ULK4: variants seen among roughly 807,000 people sequenced by gnomAD.
ULK4 encodes inactive serine/threonine-protein kinase ULK4.
Under a neutral mutation model 160.6 loss-of-function variants are expected in ULK4, and 133 were observed. The observed-to-expected ratio is 0.83, with a 90% CI of 0.72 to 0.96. The LOEUF (loss-of-function observed/expected upper bound fraction) is 0.96, where lower values mean the gene tolerates loss of function less well. Ranked by LOEUF, ULK4 falls within the 40% of genes least tolerant of loss-of-function variation. The pLI is 0.00. For synonymous variants in ULK4, 534 were observed against 539.8 expected (o/e 0.99, Z 0.15); for missense variants, 1,580 against 1,499.5 (o/e 1.05, Z -0.89).
intron 31 of ULK4, among the ~76,000 whole-genome samples, chr3:41,608,743 A>G (rs1482965133): frequency 6.6e-6 from 1 of 152,224 alleles, no homozygotes; most frequent in Non-Finnish European, 1.5e-5. Context: ...GTTCAGTGGT[A>G]TCACTTGCCA....
intron 19 of ULK4, among the ~76,000 whole-genome samples, chr3:41,806,269 C>T (rs980220332): frequency 2.4e-4 from 36 of 151,322 alleles, no homozygotes; most frequent in African/African-American, 3.9e-4. Context: ...AGTTTATTTG[C>T]GTAGAGGTGT....
At chr3:41,769,670 T>C (rs945240317) in intron 21 of ULK4, among the ~76,000 whole-genome samples, 1 of 152,230 alleles carries the variant, frequency 6.6e-6, no homozygotes, top group South Asian at 2.1e-4. Context: ...TAATGAAATA[T>C]TTAAAATGAT....
rs71075470 is a variant in ULK4, at chr3:41,506,767, A to AATATATATAT, written c.3227-43524_3227-43515dup. ...AGCAATACACTGGAGTGTGATTTAA[A>AATATATATAT]ATATATATATATATATATATATATA... On this transcript the variant is annotated intron_variant, in intron 32 of 36. Transcript: ENST00000301831. 5.0e-3 allele frequency among the ~76,000 whole-genome samples: 282 copies of AATATATATAT among 56,736 alleles called. 15 individuals are homozygous for AATATATATAT. Among genetic ancestry groups the AATATATATAT allele is most frequent in the East Asian group, 0.026 (32 of 1,210 alleles). The allele number at this position is 56,736 out of a possible 152,430, so 37.2% of individuals were successfully genotyped here.
chr3:41,646,044 G>C (rs566710007), intron 30 of ULK4, among the ~76,000 whole-genome samples: 1 of 152,068 alleles, frequency 6.6e-6, no homozygotes, highest in Non-Finnish European at 1.5e-5. Flanking sequence ...CCATTTGCCT[G>C]GTAGATCTTC....
At chr3:41,290,388 A>C (rs1178381169) in intron 35 of ULK4, among the ~76,000 whole-genome samples, 1 of 152,212 alleles carries the variant, frequency 6.6e-6, no homozygotes, top group Admixed American at 6.5e-5. Context: ...GGAAATTGAG[A>C]CACAGGTTAA....
chr3:41,509,391 A>G (rs952493133), intron 32 of ULK4, among the ~76,000 whole-genome samples: 2 of 152,214 alleles, frequency 1.3e-5, no homozygotes, highest in African/African-American at 4.8e-5. Context: ...AAAAGTTTGG[A>G]AAACACATTT....
At chr3:41,735,687 T>TTTTTTA (rs1553641851) in intron 22 of ULK4, among the ~76,000 whole-genome samples, 2 of 144,494 alleles carry the variant, frequency 1.4e-5, no homozygotes, top group African/African-American at 5.2e-5. Flanking sequence ...CTAAGTCCAT[T>TTTTTTA]TTATTATTAT....
chr3:41,538,575 A>T (rs999143055), intron 32 of ULK4, among the ~76,000 whole-genome samples: 2 of 152,182 alleles, frequency 1.3e-5, no homozygotes, highest in Non-Finnish European at 2.9e-5. Context: ...GAACACAATG[A>T]AAAATACACA....
chr3:41,431,547 C>CTTTTTTTTTTTTTTTTTTTTTTTTTT lies in ULK4; in HGVS notation c.3492+23949_3492+23950insAAAAAAAAAAAAAAAAAAAAAAAAAA, dbSNP rs1553664758. 2.6e-3 allele frequency among the ~76,000 whole-genome samples: 250 copies of CTTTTTTTTTTTTTTTTTTTTTTTTTT among 95,766 alleles called. 26 individuals carry two copies. The highest frequency in any genetic ancestry group is 5.4e-3 in the African/African-American group (128 of 23,650). 62.8% of individuals were successfully genotyped at this position (95,766 alleles called of 152,430 possible). A position where few individuals can be genotyped will look rare whatever the true frequency, so the allele number is the denominator to read the frequency against. On this transcript the variant is annotated intron_variant, in intron 34 of 36. Coordinates refer to ENST00000301831, the MANE Select transcript of ULK4 (RefSeq NM_017886.4). ...CCTGTGAGGTGTTGTAATTCCCTCC[C>CTTTTTTTTTTTTTTTTTTTTTTTTTT]TTTTTTTTTTTTTTTGATGTGGAAA... is the stretch of plus-strand genomic sequence containing the variant.
chr3:41,717,612 G>A, intron 23 of ULK4, 116 bp downstream of exon 23: 1 of 1,268,882 alleles, frequency 7.9e-7, no homozygotes, highest in Non-Finnish European at 1.1e-6. Flanking sequence ...GTTAAAAAGT[G>A]TCTGCATTTG....
At chr3:41,402,732 A>G (rs1464136652) in intron 34 of ULK4, among the ~76,000 whole-genome samples, 2 of 152,160 alleles carry the variant, frequency 1.3e-5, no homozygotes, top group Non-Finnish European at 2.9e-5. Context: ...CTCTTTATAC[A>G]TTGATGTATT....
chr3:41,687,677 C>CATGTCTTGAAAA (rs1673653362), intron 27 of ULK4, among the ~76,000 whole-genome samples: 1 of 152,120 alleles, frequency 6.6e-6, no homozygotes, highest in Non-Finnish European at 1.5e-5. Context: ...AGCCAATCCC[C>CATGTCTTGAAAA]ATGTCTTGAA....
intron 21 of ULK4, among the ~76,000 whole-genome samples, chr3:41,782,962 A>G (rs1433753965): frequency 5.3e-5 from 8 of 152,012 alleles, no homozygotes; most frequent in Admixed American, 4.6e-4. Flanking sequence ...CACATTCGTA[A>G]CACATCACTG....
Position 41,309,214 on chromosome 3 carries a change from GCAGGAAGCAATATTTTGCTA to G in ULK4, c.3679-59660_3679-59641del, listed in dbSNP as rs572647054. Among the ~76,000 whole-genome samples, 21 of 152,122 alleles carry G rather than the reference GCAGGAAGCAATATTTTGCTA, an allele frequency of 1.4e-4. No homozygotes were observed. In the South Asian group the frequency reaches 3.9e-3, roughly 29 times the overall value. ...AATATTTTGCTACAGGAATATTGCTGCAGGAAGCAATATTTTGCTACAGGAATATTGCTGCAGGAAGCAAC... is the reference window on the plus strand; with the variant it reads ...AATATTTTGCTACAGGAATATTGCTGCAGGAATATTGCTGCAGGAAGCAAC... On this transcript the variant is annotated intron_variant, in intron 35 of 36. Coordinates refer to ENST00000301831, the MANE Select transcript of ULK4 (RefSeq NM_017886.4).
At chr3:41,417,976 C>T (rs968421185) in intron 34 of ULK4, among the ~76,000 whole-genome samples, 5 of 152,124 alleles carry the variant, frequency 3.3e-5, no homozygotes, top group Non-Finnish European at 5.9e-5. Flanking sequence ...AAAGATAATA[C>T]ATTTTTATCA....
chr3:41,780,342 A>G (rs549753055), intron 21 of ULK4, among the ~76,000 whole-genome samples: 7 of 151,928 alleles, frequency 4.6e-5, no homozygotes, highest in African/African-American at 1.7e-4. Flanking sequence ...GGTGTATGCT[A>G]TCTTTTATCT....
At chr3:41,844,103 T>A (rs2042005286) in intron 17 of ULK4, among the ~76,000 whole-genome samples, 1 of 152,196 alleles carries the variant, frequency 6.6e-6, no homozygotes, top group African/African-American at 2.4e-5. Context: ...ACCGCTGGCT[T>A]CACCCAGTGG....
chr3:41,960,759 T>C (rs1700635946), intron 1 of ULK4, among the ~76,000 whole-genome samples: 1 of 152,210 alleles, frequency 6.6e-6, no homozygotes, highest in African/African-American at 2.4e-5. Context: ...ACAGACTTCC[T>C]AATATTCATT....
intron 34 of ULK4, among the ~76,000 whole-genome samples, chr3:41,418,342 CG>C (rs56844228): frequency 0.057 from 4,979 of 87,542 alleles, 168 homozygotes; most frequent in African/African-American, 0.092. Context: ...CTTAATTTGG[CG>C]GGGGGGGGGG....
Sources: gnomAD v4.1 joint callset for allele counts (sites outside exome capture counted in the v4.1 genomes callset) on GRCh38, gnomAD v4.1.1 for gene constraint, MANE v1.5 for transcripts, NCBI Gene and HGNC (gene_info 2026-07-23, HGNC 2026-07-21) for gene names.